CSMD1: variants seen among roughly 807,000 people sequenced by gnomAD.
The protein encoded by CSMD1 is CUB and Sushi multiple domains 1.
In CSMD1, 213 loss-of-function variants were observed where a neutral mutation model predicts 417.5. The ratio of observed to expected loss-of-function variants is 0.51; its 90% CI spans 0.46 to 0.57. The LOEUF is 0.57. CSMD1 is among the 20% of genes least tolerant of loss of function. The probability of loss-of-function intolerance (pLI) is 0.00; values close to 1 mark genes in which losing one functional copy is unlikely to be tolerated. For missense variants in CSMD1, 6,923 were observed against 4,529.7 expected (o/e 1.53, Z -15.17); for synonymous variants, 2,862 against 1,736.8 (o/e 1.65, Z -16.11).
At chr8:4,083,863 C>G (rs929578469) in intron 3 of CSMD1, among the ~76,000 whole-genome samples, 39 of 152,240 alleles carry the variant, frequency 2.6e-4, no homozygotes, top group Middle Eastern at 3.4e-3. Context: ...AACTAAAGAG[C>G]TTCTGCACAG....
chr8:4,360,079 G>A (rs528652503), intron 3 of CSMD1, among the ~76,000 whole-genome samples: 8 of 152,186 alleles, frequency 5.3e-5, no homozygotes, highest in South Asian at 2.1e-4. Flanking sequence ...CTGGGATCTC[G>A]GACAAGTTAC....
At chr8:3,357,987 A>C (rs1808905313) in intron 21 of CSMD1, among the ~76,000 whole-genome samples, 1 of 152,206 alleles carries the variant, frequency 6.6e-6, no homozygotes, top group Admixed American at 6.5e-5. Flanking sequence ...TAAAATCCAG[A>C]AATATAGCTT....
chr8:3,958,165 G>C (rs1356382267), intron 5 of CSMD1, among the ~76,000 whole-genome samples: 2 of 152,098 alleles, frequency 1.3e-5, no homozygotes, highest in East Asian at 1.9e-4. Flanking sequence ...CTTCTGGCAA[G>C]CAAATGAAAT....
chr8:4,316,201 C>T (rs536087199), intron 3 of CSMD1, among the ~76,000 whole-genome samples: 24 of 152,268 alleles, frequency 1.6e-4, no homozygotes, highest in African/African-American at 5.5e-4. Flanking sequence ...AGCAGGACCC[C>T]ATATTCTAAA....
At chr8:3,918,400 G>A (rs1370406132) in intron 5 of CSMD1, among the ~76,000 whole-genome samples, 11 of 152,008 alleles carry the variant, frequency 7.2e-5, no homozygotes, top group East Asian at 1.9e-4. Context: ...CAAATATCAC[G>A]TGATATATTC....
intron 2 of CSMD1, among the ~76,000 whole-genome samples, chr8:4,524,842 T>C (rs1351036643): frequency 6.6e-6 from 1 of 152,174 alleles, no homozygotes. Context: ...ACAATTTATA[T>C]AATAAAAATT....
At chr8:3,644,980 A>AAAAAAAAAAAAAAAAAAAAAAAAAC in intron 7 of CSMD1, among the ~76,000 whole-genome samples, 1 of 151,098 alleles carries the variant, frequency 6.6e-6, no homozygotes, top group African/African-American at 2.4e-5. Flanking sequence ...AAAAAAAAAA[A>AAAAAAAAAAAAAAAAAAAAAAAAAC]AAAAAAAAAA....
At chr8:4,262,878 C>A (rs554208022) in intron 3 of CSMD1, among the ~76,000 whole-genome samples, 8 of 152,114 alleles carry the variant, frequency 5.3e-5, no homozygotes, top group Non-Finnish European at 1.2e-4. Context: ...ACAGCATTTG[C>A]AACTCAAAAC....
Position 3,395,537 on chromosome 8 carries a change from A to G in CSMD1, c.2593+657T>C, listed in dbSNP as rs771908128. 6.0e-4 allele frequency among the ~76,000 whole-genome samples: 92 copies of G among 152,220 alleles called. 1 individual carries two copies. The highest frequency in any genetic ancestry group is 2.0e-4 in the Admixed American group (3 of 15,284). ...AGCTAAAACTTTGATTTCAGTAAAC[A>G]AGGGCAGGAAAACTTTCCATGTGGA... On this transcript the variant is annotated intron_variant, in intron 17 of 69. Transcript: ENST00000635120.
chr8:4,028,038 T>A (rs1797153352), intron 4 of CSMD1, among the ~76,000 whole-genome samples: 1 of 152,078 alleles, frequency 6.6e-6, no homozygotes, highest in Non-Finnish European at 1.5e-5. Flanking sequence ...GGATACAGGT[T>A]TAGGTTTTGA....
chr8:3,033,774 A>T (rs774343944), intron 50 of CSMD1, among the ~76,000 whole-genome samples: 1 of 152,210 alleles, frequency 6.6e-6, no homozygotes, highest in Non-Finnish European at 1.5e-5. Context: ...AATAAAAATA[A>T]AATAAACTTA....
intron 2 of CSMD1, among the ~76,000 whole-genome samples, chr8:4,540,608 G>C (rs17070540): frequency 1.3e-5 from 2 of 152,112 alleles, no homozygotes; most frequent in African/African-American, 4.8e-5. Context: ...TATAACAGAA[G>C]TGAAAATAAA....
chr8:3,699,823 G>T (rs948886327), intron 7 of CSMD1, among the ~76,000 whole-genome samples: 1 of 151,894 alleles, frequency 6.6e-6, no homozygotes, highest in African/African-American at 2.4e-5. Context: ...AAAAACATGA[G>T]CACCCTCTTC....
chr8:4,402,826 T>C (rs1378942382), intron 3 of CSMD1, among the ~76,000 whole-genome samples: 4 of 103,186 alleles, frequency 3.9e-5, no homozygotes, highest in African/African-American at 1.4e-4. Context: ...TTTTTCTTTT[T>C]TTTTTTTTTT....
intron 5 of CSMD1, chr8:3,949,983 C>A (rs758545006): frequency 2.2e-6 from 1 of 455,924 alleles, no homozygotes; most frequent in Non-Finnish European, 4.4e-6. Context: ...TCCAGGCTTG[C>A]ATGAAATTAC....
At chr8:3,925,821 C>T (rs1229587756) in intron 5 of CSMD1, among the ~76,000 whole-genome samples, 1 of 152,022 alleles carries the variant, frequency 6.6e-6, no homozygotes, top group African/African-American at 2.4e-5. Flanking sequence ...AGCATTAAAA[C>T]CAACTAATAC....
chr8:3,129,523 C>T (rs1017387010), intron 41 of CSMD1, among the ~76,000 whole-genome samples: 5 of 152,064 alleles, frequency 3.3e-5, no homozygotes, highest in African/African-American at 1.2e-4. Context: ...GCCTGTAATC[C>T]CAGCACTTTG....
rs144759384 is a variant in CSMD1, at chr8:3,869,032, T to A, written c.819-114990A>T. ...CTCGAAGTAACAGCTGCAAGCATAT[T>A]TACAGTGCCCTCAGGGTCCCTTCGT... On this transcript the variant is annotated intron_variant, in intron 5 of 69. Transcript: ENST00000635120. Among the ~76,000 whole-genome samples the A allele has an allele frequency of 3.2e-3, 481 of 152,324 alleles. 1 individual carries two copies. The highest frequency in any genetic ancestry group is 0.011 in the African/African-American group (455 of 41,582).
chr8:4,060,777 C>T (rs1005842343), intron 3 of CSMD1, among the ~76,000 whole-genome samples: 1 of 152,066 alleles, frequency 6.6e-6, no homozygotes, highest in East Asian at 1.9e-4. Context: ...TGGGACCACA[C>T]AGGACCCTGA....
Sources: gnomAD v4.1 joint callset for allele counts (sites outside exome capture counted in the v4.1 genomes callset) on GRCh38, gnomAD v4.1.1 for gene constraint, MANE v1.5 for transcripts, NCBI Gene and HGNC (gene_info 2026-07-23, HGNC 2026-07-21) for gene names.